The following DDAH1 variants were observed in gnomAD, a reference collection of about 807,000 sequenced individuals.
The protein encoded by DDAH1 is dimethylarginine dimethylaminohydrolase 1.
DDAH1 carries 19 observed loss-of-function variants against 28.8 expected under a neutral mutation model. The observed-to-expected ratio is 0.66, with a 90% confidence interval of 0.46 to 0.97. The LOEUF is 0.97. Ranked by LOEUF, DDAH1 falls within the 50% of genes least tolerant of loss-of-function variation. The probability of loss-of-function intolerance (pLI) is 0.00; values close to 1 mark genes in which losing one functional copy is unlikely to be tolerated. For missense variants in DDAH1, 326 were observed against 375.9 expected (o/e 0.87, Z 1.10); for synonymous variants, 153 against 154.4 (o/e 0.99, Z 0.07).
chr1:85,576,964 GCCGCCA>G (rs71075845), intron 1 of DDAH1: 55 of 153,694 alleles, frequency 3.6e-4, no homozygotes, highest in Non-Finnish European at 5.8e-4. Flanking sequence ...AGCCGCCGCC[GCCGCCA>G]CCGCCACCGC....
At chr1:85,575,750 T>C (rs1659584230) in intron 1 of DDAH1, 2 of 152,178 alleles carry the variant, frequency 1.3e-5, no homozygotes, top group South Asian at 4.1e-4. Flanking sequence ...TATAGCACAG[T>C]AGTTAAGTGT....
intron 1 of DDAH1, among the ~76,000 whole-genome samples, chr1:85,459,645 T>C (rs958817319): frequency 6.6e-6 from 1 of 152,226 alleles, no homozygotes; most frequent in Non-Finnish European, 1.5e-5. Context: ...AATTTCTAAT[T>C]ATGGTTTGGG....
chr1:85,435,592 GA>G (rs1313870730), intron 1 of DDAH1, among the ~76,000 whole-genome samples: 1 of 152,188 alleles, frequency 6.6e-6, no homozygotes, highest in Non-Finnish European at 1.5e-5. Flanking sequence ...AAGTAGTGAA[GA>G]GTAAGGGGAA....
chr1:85,509,777 CAAG>C (rs757638713), intron 1 of DDAH1, among the ~76,000 whole-genome samples: 5 of 151,936 alleles, frequency 3.3e-5, no homozygotes, highest in East Asian at 3.9e-4. Flanking sequence ...ATTGAGACGA[CAAG>C]GTTAGAGAAA....
intron 1 of DDAH1, among the ~76,000 whole-genome samples, chr1:85,553,408 G>C (rs1417555120): frequency 3.3e-5 from 5 of 152,212 alleles, no homozygotes; most frequent in Non-Finnish European, 7.3e-5. Context: ...TCTTCTGAAA[G>C]AGTCAAAATC....
rs1358179356 is a variant in DDAH1 at position 85,368,433 on chromosome 1, C to T, written c.304-9586G>A. Among the ~76,000 whole-genome samples the T allele has an allele frequency of 5.3e-5, 8 of 152,236 alleles. No homozygotes were observed. The South Asian group carries it at 6.2e-4, about 12-fold the overall frequency. ...CAGAGGTTCAAAGGTCCCTCCATAA[C>T]GATGTCACTACAAGACAGTTTCCCG... is the stretch of plus-strand genomic sequence containing the variant. On this transcript the variant is annotated intron_variant, in intron 1 of 5. Transcript: ENST00000284031.
intron 2 of DDAH1, chr1:85,494,559 T>G (rs1470484462): frequency 6.6e-6 from 1 of 152,214 alleles, no homozygotes; most frequent in Non-Finnish European, 1.5e-5. Context: ...CACATCCTGC[T>G]GCCCTTTGAA....
At chr1:85,533,244 C>T (rs1177732229) in intron 1 of DDAH1, among the ~76,000 whole-genome samples, 1 of 152,202 alleles carries the variant, frequency 6.6e-6, no homozygotes, top group Non-Finnish European at 1.5e-5. Flanking sequence ...ATTTATTTTA[C>T]ATTAACCTTT....
At chr1:85,336,239 A>G (rs1462303437) in intron 4 of DDAH1, among the ~76,000 whole-genome samples, 1 of 152,192 alleles carries the variant, frequency 6.6e-6, no homozygotes, top group African/African-American at 2.4e-5. Context: ...TTCAGGATAG[A>G]TATTAGGCCC....
chr1:85,543,553 A>AG (rs1484865442), intron 1 of DDAH1, among the ~76,000 whole-genome samples: 1 of 152,200 alleles, frequency 6.6e-6, no homozygotes, highest in Non-Finnish European at 1.5e-5. Context: ...GCAATGGTTT[A>AG]GACAGGTTAA....
intron 1 of DDAH1, among the ~76,000 whole-genome samples, chr1:85,567,947 T>C (rs1020551695): frequency 6.6e-6 from 1 of 152,142 alleles, no homozygotes; most frequent in Admixed American, 6.5e-5. Flanking sequence ...AAAACCAGTC[T>C]CAAGAAGTAT....
intron 1 of DDAH1, among the ~76,000 whole-genome samples, chr1:85,460,232 C>T (rs1176928145): frequency 6.6e-6 from 1 of 152,166 alleles, no homozygotes. Context: ...TTTTCCTAAC[C>T]AGAGAATAAA....
At chr1:85,396,445 C>A (rs914559946) in intron 1 of DDAH1, among the ~76,000 whole-genome samples, 2 of 152,036 alleles carry the variant, frequency 1.3e-5, no homozygotes, top group Non-Finnish European at 2.9e-5. Flanking sequence ...AACCAGCTCT[C>A]ACAGGAACTA....
intron 1 of DDAH1, among the ~76,000 whole-genome samples, chr1:85,446,629 C>A (rs1654440450): frequency 6.6e-6 from 1 of 152,116 alleles, no homozygotes; most frequent in Non-Finnish European, 1.5e-5. Context: ...CCTTTTGAGG[C>A]CTAATATCCA....
intron 1 of DDAH1, among the ~76,000 whole-genome samples, chr1:85,534,407 T>A (rs1225000853): frequency 1.3e-5 from 2 of 152,178 alleles, no homozygotes; most frequent in African/African-American, 4.8e-5. Flanking sequence ...CTAAATAGTG[T>A]GATTTGAAAT....
At chr1:85,338,605 GA>G (rs1418044474) in intron 4 of DDAH1, among the ~76,000 whole-genome samples, 1 of 152,170 alleles carries the variant, frequency 6.6e-6, no homozygotes, top group Non-Finnish European at 1.5e-5. Context: ...ACCTGCATCA[GA>G]ATCACGCCAT....
chr1:85,336,266 A>G (rs1315760013), intron 4 of DDAH1, among the ~76,000 whole-genome samples: 1 of 152,154 alleles, frequency 6.6e-6, no homozygotes, highest in Admixed American at 6.6e-5. Context: ...AGTATCAACA[A>G]ATGTTAAAAA....
intron 1 of DDAH1, among the ~76,000 whole-genome samples, chr1:85,509,548 A>C (rs1220226862): frequency 6.6e-6 from 1 of 152,228 alleles, no homozygotes; most frequent in Non-Finnish European, 1.5e-5. Context: ...TCTGAGCTAA[A>C]GGAGGATGTT....
intron 1 of DDAH1, among the ~76,000 whole-genome samples, chr1:85,535,062 G>A (rs2254471): frequency 2.0e-5 from 3 of 151,790 alleles, no homozygotes; most frequent in Non-Finnish European, 4.4e-5. Context: ...TAAGGCAAAC[G>A]AATATACACT....
Sources: gnomAD v4.1 joint callset for allele counts (sites outside exome capture counted in the v4.1 genomes callset) on GRCh38, gnomAD v4.1.1 for gene constraint, MANE v1.5 for transcripts, NCBI Gene and HGNC (gene_info 2026-07-23, HGNC 2026-07-21) for gene names.